Variants in SUCLG2 observed in about 807,000 individuals in gnomAD.
The protein encoded by SUCLG2 is succinate--CoA ligase [GDP-forming] subunit beta, mitochondrial.
SUCLG2 carries 42 observed loss-of-function variants against 47.9 expected under a neutral mutation model. The observed-to-expected ratio is 0.88, with a 90% CI of 0.69 to 1.14. The LOEUF is 1.14. SUCLG2 is among the 50% of genes most tolerant of loss of function. The pLI is 0.00. For missense variants in SUCLG2, 571 were observed against 525.9 expected, an observed-to-expected ratio of 1.09 and a Z score of -0.84; for synonymous variants, 195 against 197.3, an observed-to-expected ratio of 0.99 and a Z score of 0.10.
intron 1 of SUCLG2, among the ~76,000 whole-genome samples, chr3:67,617,128 G>C (rs1700644299): frequency 1.3e-5 from 2 of 152,170 alleles, no homozygotes; most frequent in South Asian, 4.1e-4. Context: ...TGAAAAGACA[G>C]ATATAACTCA....
chr3:67,615,106 G>A (rs1004580863), intron 1 of SUCLG2, among the ~76,000 whole-genome samples: 4 of 151,930 alleles, frequency 2.6e-5, no homozygotes, highest in Admixed American at 2.6e-4. Flanking sequence ...AAGATTTAAG[G>A]GCCTATGGGA....
chr3:67,400,726 C>T lies in SUCLG2; in HGVS notation c.1183+5G>A. ...CTGGCACAGCGGAAATCTACCATGACTCACCTTCAAGCCGGACCACCAGGG... is the reference window on the plus strand; with the variant it reads ...CTGGCACAGCGGAAATCTACCATGATTCACCTTCAAGCCGGACCACCAGGG... On this transcript the variant is annotated splice_donor_5th_base_variant and intron_variant, in intron 10 of 10. Transcript: ENST00000307227. 6.2e-7 allele frequency: 1 copy of T among 1,611,212 alleles called. No homozygotes were observed. Among genetic ancestry groups the T allele is most frequent in the Non-Finnish European group, 8.5e-7 (1 of 1,179,804 alleles).
At chr3:67,467,810 T>A (rs1319371531) in intron 9 of SUCLG2, among the ~76,000 whole-genome samples, 2 of 151,426 alleles carry the variant, frequency 1.3e-5, no homozygotes, top group Admixed American at 1.3e-4. Context: ...AAAAAAAAAA[T>A]GAGACTTAGA....
Position 67,405,755 on chromosome 3 carries a change from G to T in SUCLG2, c.1063-4904C>A, listed in dbSNP as rs4856861. On this transcript the variant is annotated intron_variant, in intron 9 of 10. Transcript: ENST00000307227. Reference sequence around the variant, plus strand: ...TTTTTGTCTGAATGTGTATTTTTCTGGGCAAAGTGTACATAATCCTCTAGA... The same window carrying T: ...TTTTTGTCTGAATGTGTATTTTTCTTGGCAAAGTGTACATAATCCTCTAGA... Among the ~76,000 whole-genome samples the T allele has an allele frequency of 5.4e-3, 816 of 152,086 alleles. 6 individuals are homozygous for T. The highest frequency in any genetic ancestry group is 0.018 in the African/African-American group (765 of 41,478).
intron 1 of SUCLG2, among the ~76,000 whole-genome samples, chr3:67,613,293 G>A (rs1291338980): frequency 6.6e-6 from 1 of 152,140 alleles, no homozygotes; most frequent in African/African-American, 2.4e-5. Flanking sequence ...CCAACCACTA[G>A]TCATCTCATT....
At chr3:67,635,840 CT>C (rs1701000901) in intron 1 of SUCLG2, among the ~76,000 whole-genome samples, 1 of 152,196 alleles carries the variant, frequency 6.6e-6, no homozygotes, top group Non-Finnish European at 1.5e-5. Context: ...CCCATTTCAA[CT>C]CCCCTCCTTC....
At chr3:67,529,060 A>G in intron 3 of SUCLG2, 27 bp downstream of exon 3, 1 of 1,574,228 alleles carries the variant, frequency 6.4e-7, no homozygotes. Context: ...TGGCCAAAAG[A>G]CAAGGAATAA....
intron 7 of SUCLG2, among the ~76,000 whole-genome samples, chr3:67,502,562 C>G (rs1213873478): frequency 1.3e-5 from 2 of 152,190 alleles, no homozygotes; most frequent in Admixed American, 1.3e-4. Flanking sequence ...CGCTTAGCTT[C>G]CTAGACAGTG....
chr3:67,377,982 C>T (rs1702070893), intron 10 of SUCLG2, among the ~76,000 whole-genome samples: 2 of 152,136 alleles, frequency 1.3e-5, no homozygotes. Flanking sequence ...GGCAATGACT[C>T]CTTCAGCCTG....
At chr3:67,634,687 G>A (rs1471175551) in intron 1 of SUCLG2, among the ~76,000 whole-genome samples, 2 of 152,006 alleles carry the variant, frequency 1.3e-5, no homozygotes, top group Non-Finnish European at 2.9e-5. Flanking sequence ...TCAATCTTTG[G>A]GCTCTCATTA....
At chr3:67,586,507 C>T (rs1708023120) in intron 2 of SUCLG2, among the ~76,000 whole-genome samples, 1 of 152,088 alleles carries the variant, frequency 6.6e-6, no homozygotes, top group African/African-American at 2.4e-5. Context: ...CAATTTCAGT[C>T]CTTAGGCAGT....
intron 9 of SUCLG2, among the ~76,000 whole-genome samples, chr3:67,471,338 AG>A (rs1246394547): frequency 6.6e-6 from 1 of 152,194 alleles, no homozygotes; most frequent in Non-Finnish European, 1.5e-5. Flanking sequence ...TTATCAGCTG[AG>A]GTGAGAGCAT....
At chr3:67,409,050 T>A in intron 9 of SUCLG2, 1 of 1,534,368 alleles carries the variant, frequency 6.5e-7, no homozygotes, top group Non-Finnish European at 8.7e-7. Context: ...TTAAAATCAA[T>A]CAGAGGTAAG....
At chr3:67,520,438 A>G in intron 5 of SUCLG2, 44 bp downstream of exon 5, 1 of 1,613,264 alleles carries the variant, frequency 6.2e-7, no homozygotes, top group Non-Finnish European at 8.5e-7. Context: ...CAGCTTCTAC[A>G]ATAACAATCA....
At chr3:67,516,851 G>A (rs930949900) in intron 6 of SUCLG2, among the ~76,000 whole-genome samples, 3 of 152,194 alleles carry the variant, frequency 2.0e-5, no homozygotes, top group African/African-American at 7.2e-5. Flanking sequence ...CTAGACCACA[G>A]TGGCTGTATG....
At chr3:67,510,941 A>G (rs1365310824) in intron 6 of SUCLG2, among the ~76,000 whole-genome samples, 2 of 135,036 alleles carry the variant, frequency 1.5e-5, no homozygotes, top group African/African-American at 5.7e-5. Context: ...GCCAGCCTGG[A>G]GTGCAATGGC....
At chr3:67,447,373 GT>G (rs1703951915) in intron 9 of SUCLG2, among the ~76,000 whole-genome samples, 1 of 152,142 alleles carries the variant, frequency 6.6e-6, no homozygotes, top group African/African-American at 2.4e-5. Context: ...GTAGGAATGA[GT>G]TTTTTTCCTA....
intron 10 of SUCLG2, among the ~76,000 whole-genome samples, chr3:67,384,366 A>G (rs182211336): frequency 2.8e-3 from 426 of 152,314 alleles, no homozygotes; most frequent in African/African-American, 9.6e-3. Flanking sequence ...TAGCTCACGG[A>G]CCAAATCTGT....
intron 5 of SUCLG2, among the ~76,000 whole-genome samples, chr3:67,519,050 G>A (rs1354364497): frequency 6.6e-6 from 1 of 151,734 alleles, no homozygotes; most frequent in Non-Finnish European, 1.5e-5. Flanking sequence ...AGGTCGTTTT[G>A]TTATAAGGTT....
Sources: gnomAD v4.1 joint callset for allele counts (sites outside exome capture counted in the v4.1 genomes callset) on GRCh38, gnomAD v4.1.1 for gene constraint, MANE v1.5 for transcripts, NCBI Gene and HGNC (gene_info 2026-07-23, HGNC 2026-07-21) for gene names.